NWD1: variants seen among roughly 807,000 people sequenced by gnomAD.
NWD1 encodes NACHT domain- and WD repeat-containing protein 1.
Under a neutral mutation model 135.1 loss-of-function variants are expected in NWD1, and 129 were observed. That is an observed-to-expected ratio of 0.96 (90% CI 0.83 to 1.11). NWD1 has a LOEUF of 1.11. NWD1 is among the 50% of genes least tolerant of loss of function. NWD1 has a pLI of 0.00. For synonymous variants in NWD1, 773 were observed against 786.0 expected (o/e 0.98, Z 0.28); for missense variants, 1,740 against 1,851.3 (o/e 0.94, Z 1.10).
chr19:16,778,504 T>TG (rs1969739929), intron 11 of NWD1, among the ~76,000 whole-genome samples: 7 of 141,170 alleles, frequency 5.0e-5, no homozygotes, highest in South Asian at 2.2e-4. Context: ...CTTTTTTTTT[T>TG]TTTTGTTGTT....
At chr19:16,761,534 C>CT (rs57256154) in intron 7 of NWD1, among the ~76,000 whole-genome samples, 6,655 of 151,514 alleles carry the variant, frequency 0.044, 481 homozygotes, top group African/African-American at 0.15. Context: ...TTTTTGTATT[C>CT]TTTTTTTTAG....
In NWD1 at chr19:16,749,501, G is replaced by A; in HGVS notation, c.859G>A (p.Ala287Thr). 1 of 1,611,052 alleles carries A rather than the reference G, an allele frequency of 6.2e-7. No homozygotes were observed. Among genetic ancestry groups the A allele is most frequent in the Non-Finnish European group, 8.5e-7 (1 of 1,177,486 alleles). Residue 287 changes from alanine (A) to threonine (T), a missense_variant, in exon 6 of 19, where the codon GCC (alanine) becomes ACC (threonine). Ala to Thr is a moderately conservative substitution (Grantham distance 58). Transcript: ENST00000524140. ...VLTRLRELDT[A>T]GQELAWLYQE... is the part of the protein sequence containing the mutation. ...CACACGCCTCCGTGAGCTGGATACGGCCGGACAGGAGTTGGCGTGGCTCTA... is the reference window on the plus strand; with the variant it reads ...CACACGCCTCCGTGAGCTGGATACGACCGGACAGGAGTTGGCGTGGCTCTA...
At chr19:16,739,365 T>C (rs1350489866) in intron 4 of NWD1, among the ~76,000 whole-genome samples, 1 of 150,758 alleles carries the variant, frequency 6.6e-6, no homozygotes, top group African/African-American at 2.4e-5. Flanking sequence ...ATTATTTTTT[T>C]AAGGAAGAAA....
At position 16,787,400 on chromosome 19, in the gene NWD1, A is replaced by T. The variant is rs538918909; in HGVS notation, c.2732-1582A>T. Among the ~76,000 whole-genome samples, 8 of 152,270 alleles carry T rather than the reference A, an allele frequency of 5.3e-5. No homozygotes were observed. The South Asian group carries it at 1.7e-3, about 32-fold the overall frequency. On this transcript the variant is annotated intron_variant, in intron 12 of 18. Coordinates refer to ENST00000524140, the MANE Select transcript of NWD1 (RefSeq NM_001007525.5). ...AATTTTAGACACTCTTAGATGCTGA[A>T]TCTTTATAAAACTCAATTATCTGTT...
In NWD1 at chr19:16,756,728, G is replaced by A. The variant is rs571728096; in HGVS notation, c.1770-2497G>A. 3.9e-5 allele frequency among the ~76,000 whole-genome samples: 6 copies of A among 152,152 alleles called. No individual in the cohort carries two copies. In the East Asian group the frequency reaches 1.2e-3, roughly 29 times the overall value. Reference sequence around the variant, plus strand: ...ATAGGGGTCCCCATCCCCCAGTACCGGTACTGCTCCGTGGCCTGTTAGGAA... The same window carrying A: ...ATAGGGGTCCCCATCCCCCAGTACCAGTACTGCTCCGTGGCCTGTTAGGAA... On this transcript the variant is annotated intron_variant, in intron 6 of 18. Transcript: ENST00000524140.
intron 8 of NWD1, 96 bp downstream of exon 8, chr19:16,762,234 T>G (rs1969045827): frequency 9.2e-7 from 1 of 1,084,306 alleles, no homozygotes; most frequent in Admixed American, 2.2e-5. Flanking sequence ...CGAAATGTCC[T>G]CCCGACCTAC....
Position 16,799,997 on chromosome 19 carries a change from T to G in NWD1, c.3571T>G (p.Ser1191Ala). The stretch of plus-strand genomic sequence containing the variant: ...TTTGGTGGCATCTGCTTCCCCACAG[T>G]CCTCATCTTTCAAGGTCTGGGATCT... ...GALVASASPQ[S>A]SSFKVWDLSD... Residue 1191 changes from serine to alanine, a missense_variant, in exon 17 of 19, where the codon TCC becomes GCC. Ser to Ala is a moderately conservative substitution (Grantham distance 99). Transcript: ENST00000524140. 1 of 1,614,068 alleles carries G rather than the reference T, an allele frequency of 6.2e-7. No individual in the cohort carries two copies. The highest frequency in any genetic ancestry group is 8.5e-7 in the Non-Finnish European group (1 of 1,179,986).
At chr19:16,802,584 G>C (rs985746195) in intron 17 of NWD1, among the ~76,000 whole-genome samples, 1 of 151,974 alleles carries the variant, frequency 6.6e-6, no homozygotes, top group South Asian at 2.1e-4. Flanking sequence ...GCAGCCTGGG[G>C]CCCTCACCAG....
At position 16,789,205 on chromosome 19, in the gene NWD1, C is replaced by T. The variant is rs201180088; in HGVS notation, c.2940+15C>T. Reference sequence around the variant, plus strand: ...CTGGCTCAAAGGTAACAAACATATGCCCTGTTTGTAAAGGAAAGCTGAGAC... The same window carrying T: ...CTGGCTCAAAGGTAACAAACATATGTCCTGTTTGTAAAGGAAAGCTGAGAC... On this transcript the variant is annotated intron_variant, in intron 13 of 18. Transcript: ENST00000524140. 4 of 1,590,830 alleles carry T rather than the reference C, an allele frequency of 2.5e-6. No individual in the cohort carries two copies. Among genetic ancestry groups the T allele is most frequent in the Non-Finnish European group, 2.6e-6 (3 of 1,159,278 alleles).
intron 14 of NWD1, 118 bp downstream of exon 14, chr19:16,791,740 T>A (rs1211342431): frequency 8.9e-6 from 10 of 1,118,098 alleles, no homozygotes; most frequent in African/African-American, 3.1e-5. Context: ...GGAGATGAAG[T>A]TTCACTTTTG....
At chr19:16,744,786 C>A in intron 5 of NWD1, 68 bp downstream of exon 5, 1 of 1,347,014 alleles carries the variant, frequency 7.4e-7, no homozygotes, top group Non-Finnish European at 1.0e-6. Context: ...ATATCCATCC[C>A]CTGTTGGCAA....
intron 7 of NWD1, among the ~76,000 whole-genome samples, chr19:16,759,640 G>A (rs1968933031): frequency 6.6e-6 from 1 of 152,152 alleles, no homozygotes; most frequent in South Asian, 2.1e-4. Flanking sequence ...ACTTTGTGGG[G>A]CCAGGGCAGG....
rs1050590014 is a variant in NWD1, at chr19:16,817,336, C to G, written c.*2297C>G. The G allele has an allele frequency of 5.3e-5, 8 of 151,432 alleles. No individual in the cohort carries two copies. The highest frequency in any genetic ancestry group is 1.2e-4 in the Non-Finnish European group (8 of 68,006). The allele number at this position is 151,432 out of a possible 1,614,324, so 9.4% of individuals were successfully genotyped here. ...AATAATGGCAAAAGCCTCGGTGGCTCACGCCTGTAATCCCAGCACTTTGGG... is the reference window on the plus strand; with the variant it reads ...AATAATGGCAAAAGCCTCGGTGGCTGACGCCTGTAATCCCAGCACTTTGGG... On this transcript the variant is annotated 3_prime_UTR_variant, in exon 19 of 19. Coordinates refer to ENST00000524140, the MANE Select transcript of NWD1 (RefSeq NM_001007525.5).
At chr19:16,804,881 G>C (rs1970705727) in intron 17 of NWD1, among the ~76,000 whole-genome samples, 1 of 151,832 alleles carries the variant, frequency 6.6e-6, no homozygotes, top group Admixed American at 6.6e-5. Context: ...CTGGAGTGAA[G>C]AGGTACAATG....
intron 3 of NWD1, among the ~76,000 whole-genome samples, chr19:16,736,173 T>TTTCTTTCCTTCTTTCC (rs1336396837): frequency 2.0e-3 from 134 of 68,512 alleles, no homozygotes; most frequent in South Asian, 8.6e-3. Context: ...TGGCAGTCTT[T>TTTCTTTCCTTCTTTCC]TTCTTTCCTT....
chr19:16,762,498 C>T (rs1969060792), intron 8 of NWD1, among the ~76,000 whole-genome samples: 1 of 151,570 alleles, frequency 6.6e-6, no homozygotes, highest in Non-Finnish European at 1.5e-5. Flanking sequence ...GGTTTCACCA[C>T]GTTGGCCATA....
At chr19:16,735,053 C>T (rs191980766) in intron 3 of NWD1, among the ~76,000 whole-genome samples, 4 of 152,182 alleles carry the variant, frequency 2.6e-5, no homozygotes, top group East Asian at 1.9e-4. Flanking sequence ...CACATGCCAC[C>T]GTGCCCGACT....
chr19:16,738,767 TGA>T (rs1967950627), intron 4 of NWD1, among the ~76,000 whole-genome samples: 1 of 110,222 alleles, frequency 9.1e-6, no homozygotes, highest in African/African-American at 3.4e-5. Flanking sequence ...TATAATATAA[TGA>T]TATATAATAT....
At chr19:16,801,773 C>A (rs576312168) in intron 17 of NWD1, 1 of 152,098 alleles carries the variant, frequency 6.6e-6, no homozygotes, top group Non-Finnish European at 1.5e-5. Flanking sequence ...GGAGGCCTCA[C>A]GGGAGGTGTT....
Sources: gnomAD v4.1 joint callset for allele counts (sites outside exome capture counted in the v4.1 genomes callset) on GRCh38, gnomAD v4.1.1 for gene constraint, MANE v1.5 for transcripts, NCBI Gene and HGNC (gene_info 2026-07-23, HGNC 2026-07-21) for gene names.